Variants in DLGAP2 observed in about 807,000 individuals in gnomAD.
DLGAP2 encodes the protein disks large-associated protein 2.
A neutral mutation model predicts 100.3 loss-of-function variants in DLGAP2; 26 were observed. The observed-to-expected ratio is 0.26, with a 90% CI of 0.19 to 0.36. The LOEUF (loss-of-function observed/expected upper bound fraction) is 0.36. Among genes scored for constraint, DLGAP2 ranks in the 10% least tolerant of loss-of-function variants. The pLI is 1.00. For synonymous variants in DLGAP2, 886 were observed against 630.1 expected, an observed-to-expected ratio of 1.41 and a Z score of -6.08; for missense variants, 1,858 against 1,453.2, an observed-to-expected ratio of 1.28 and a Z score of -4.53.
At chr8:1,174,799 A>G (rs1263535978) in intron 2 of DLGAP2, among the ~76,000 whole-genome samples, 9 of 151,984 alleles carry the variant, frequency 5.9e-5, no homozygotes, top group Non-Finnish European at 4.4e-5. Flanking sequence ...CATTATCACT[A>G]CCTCCATCAT....
rs532765598 is a variant in DLGAP2 at position 1,314,934 on chromosome 8, G to A, written c.106+56051G>A. 4.1e-4 allele frequency among the ~76,000 whole-genome samples: 62 copies of A among 152,244 alleles called. 1 individual carries two copies. In the South Asian group the frequency reaches 9.1e-3, roughly 22 times the overall value. On this transcript the variant is annotated intron_variant, in intron 3 of 14. Transcript: ENST00000637795. Reference sequence around the variant, plus strand: ...TTTTACAGCTCCCATGTGCCCTACCGGGGAAGGCGCAAGATGCCCTCTGAA... The same window carrying A: ...TTTTACAGCTCCCATGTGCCCTACCAGGGAAGGCGCAAGATGCCCTCTGAA...
chr8:1,355,148 C>G (rs1801819185), intron 3 of DLGAP2, among the ~76,000 whole-genome samples: 2 of 152,198 alleles, frequency 1.3e-5, no homozygotes, highest in African/African-American at 4.8e-5. Context: ...AGTGGCAAAG[C>G]CGAGCAGAAA....
chr8:1,700,534 G>C (rs1799537273), intron 14 of DLGAP2, among the ~76,000 whole-genome samples: 2 of 152,362 alleles, frequency 1.3e-5, no homozygotes, highest in South Asian at 2.1e-4. Context: ...ATAATTGTGA[G>C]ATTTATCTAA....
intron 2 of DLGAP2, among the ~76,000 whole-genome samples, chr8:1,188,403 C>T (rs1425271109): frequency 8.1e-6 from 1 of 124,034 alleles, no homozygotes; most frequent in Non-Finnish European, 1.6e-5. Context: ...ACCTCCATGA[C>T]ATTTGCCTCA....
chr8:1,360,477 C>CACCT, intron 3 of DLGAP2, among the ~76,000 whole-genome samples: 1 of 152,058 alleles, frequency 6.6e-6, no homozygotes, highest in Admixed American at 6.5e-5. Flanking sequence ...TGAAGGGACC[C>CACCT]TGCCCCACTG....
intron 3 of DLGAP2, among the ~76,000 whole-genome samples, chr8:1,454,633 C>T (rs1020808502): frequency 1.3e-5 from 2 of 152,156 alleles, no homozygotes; most frequent in Non-Finnish European, 2.9e-5. Flanking sequence ...AGCTCCATTC[C>T]AGGGGCTGGA....
chr8:1,680,237 C>G (rs114864173), intron 12 of DLGAP2, among the ~76,000 whole-genome samples: 2,145 of 152,230 alleles, frequency 0.014, 52 homozygotes, highest in African/African-American at 0.049. Flanking sequence ...ATTATAAATG[C>G]TGAACTTCAA....
intron 2 of DLGAP2, among the ~76,000 whole-genome samples, chr8:1,148,436 CTG>C (rs1293033675): frequency 1.3e-5 from 2 of 152,052 alleles, no homozygotes; most frequent in Admixed American, 6.5e-5. Context: ...TTTCCCTACA[CTG>C]TGTTTTTAAA....
chr8:867,144 G>C (rs1797513997), intron 1 of DLGAP2, among the ~76,000 whole-genome samples: 1 of 152,220 alleles, frequency 6.6e-6, no homozygotes, highest in South Asian at 2.1e-4. Flanking sequence ...AGACTTCTCA[G>C]TTCAGACACG....
At chr8:1,463,687 G>A (rs1223473947) in intron 3 of DLGAP2, among the ~76,000 whole-genome samples, 2 of 152,220 alleles carry the variant, frequency 1.3e-5, no homozygotes, top group South Asian at 2.1e-4. Context: ...GCAAGCATTC[G>A]TGAAAACAGA....
rs117267270 is a variant in DLGAP2 at position 1,321,550 on chromosome 8, T to G, written c.106+62667T>G. ...TTGTTCACTGCCTCTGCCTTCTAAG[T>G]CCTGAGCTGACTTTCCTCCACAGCT... On this transcript the variant is annotated intron_variant, in intron 3 of 14. Transcript: ENST00000637795. Among the ~76,000 whole-genome samples the G allele has an allele frequency of 1.9e-3, 286 of 152,372 alleles. 11 individuals carry two copies. In the East Asian group the frequency reaches 0.047, roughly 25 times the overall value.
At chr8:834,748 T>G (rs1489040565) in intron 1 of DLGAP2, among the ~76,000 whole-genome samples, 1 of 152,166 alleles carries the variant, frequency 6.6e-6, no homozygotes, top group Non-Finnish European at 1.5e-5. Context: ...CAGGATCCTA[T>G]TGGGTACTAT....
chr8:768,319 C>T (rs779210588), intron 1 of DLGAP2, among the ~76,000 whole-genome samples: 1 of 151,848 alleles, frequency 6.6e-6, no homozygotes, highest in Admixed American at 6.6e-5. Context: ...ATTTACTATA[C>T]AGTCACTCAG....
rs562952255 is a variant in DLGAP2 at position 1,142,703 on chromosome 8, G to C, written c.74-116148G>C. Among the ~76,000 whole-genome samples the C allele has an allele frequency of 1.6e-4, 25 of 152,284 alleles. No individual in the cohort carries two copies. In the South Asian group the frequency reaches 2.5e-3, roughly 15 times the overall value. The stretch of plus-strand genomic sequence containing the variant: ...TGGAACGGCTTTGCTAGGGCAGGAC[G>C]GGGCTGCCATTGTCATCCCTGCATT... On this transcript the variant is annotated intron_variant, in intron 2 of 14. Coordinates refer to ENST00000637795, the MANE Select transcript of DLGAP2 (RefSeq NM_001346810.2).
At chr8:1,682,499 G>A (rs1042989158) in intron 12 of DLGAP2, among the ~76,000 whole-genome samples, 7 of 151,180 alleles carry the variant, frequency 4.6e-5, no homozygotes, top group African/African-American at 1.7e-4. Context: ...TTTTGAGAGG[G>A]AGTCTTGCTC....
At chr8:899,032 G>A (rs1025129235) in intron 1 of DLGAP2, among the ~76,000 whole-genome samples, 3 of 152,252 alleles carry the variant, frequency 2.0e-5, no homozygotes, top group Non-Finnish European at 2.9e-5. Flanking sequence ...TCTGACGCCA[G>A]TGGAAGTGTG....
chr8:1,271,915 A>G (rs1418133255), intron 3 of DLGAP2, among the ~76,000 whole-genome samples: 3 of 152,288 alleles, frequency 2.0e-5, no homozygotes, highest in African/African-American at 7.2e-5. Flanking sequence ...GGTTCAAGTC[A>G]TTCTCCTGCC....
chr8:1,045,883 C>G (rs1802500190), intron 2 of DLGAP2, among the ~76,000 whole-genome samples: 1 of 152,116 alleles, frequency 6.6e-6, no homozygotes, highest in Non-Finnish European at 1.5e-5. Flanking sequence ...GATGTCTGCA[C>G]AAGGTTGGAA....
chr8:1,269,527 C>G (rs371372537), intron 3 of DLGAP2, among the ~76,000 whole-genome samples: 1 of 152,212 alleles, frequency 6.6e-6, no homozygotes, highest in Non-Finnish European at 1.5e-5. Flanking sequence ...AAGACCCCCT[C>G]AACCCTGAAA....
Sources: gnomAD v4.1 joint callset for allele counts (sites outside exome capture counted in the v4.1 genomes callset) on GRCh38, gnomAD v4.1.1 for gene constraint, MANE v1.5 for transcripts, NCBI Gene and HGNC (gene_info 2026-07-23, HGNC 2026-07-21) for gene names.